Variants in HOOK3 observed in about 807,000 individuals in gnomAD.
The protein encoded by HOOK3 is hook microtubule tethering protein 3, also known as protein Hook homolog 3.
HOOK3 carries 24 observed loss-of-function variants against 116.3 expected under a neutral mutation model. That is an observed-to-expected ratio of 0.21 (90% CI 0.15 to 0.29). HOOK3 has a LOEUF of 0.29. HOOK3 is among the 10% of genes least tolerant of loss of function. The pLI is 1.00. For synonymous variants in HOOK3, 275 were observed against 283.0 expected (o/e 0.97, Z 0.28); for missense variants, 632 against 830.2 (o/e 0.76, Z 2.93).
At chr8:42,909,728 G>C (rs1221184316) in intron 2 of HOOK3, among the ~76,000 whole-genome samples, 4 of 152,190 alleles carry the variant, frequency 2.6e-5, no homozygotes, top group African/African-American at 9.7e-5. Context: ...GCCTGACAAA[G>C]TGCTGAGATT....
chr8:42,950,485 T>G (rs1309236034), intron 6 of HOOK3, 30 bp downstream of exon 6: 2 of 1,501,550 alleles, frequency 1.3e-6, no homozygotes, highest in Middle Eastern at 3.4e-4. Flanking sequence ...TTATAGTTTA[T>G]GAAAAATTAA....
intron 6 of HOOK3, among the ~76,000 whole-genome samples, chr8:42,953,660 G>A (rs1808383133): frequency 1.3e-5 from 2 of 151,714 alleles, no homozygotes; most frequent in South Asian, 4.2e-4. Context: ...CTGTGAGTAA[G>A]CAATTTCCAT....
intron 11 of HOOK3, 45 bp downstream of exon 11, chr8:42,968,259 C>A: frequency 7.4e-7 from 1 of 1,350,754 alleles, no homozygotes; most frequent in Non-Finnish European, 1.0e-6. Flanking sequence ...GGCAAGCTCT[C>A]AGTTATGACA....
intron 1 of HOOK3, among the ~76,000 whole-genome samples, chr8:42,903,509 T>C (rs62515912): frequency 0.047 from 7,117 of 150,806 alleles, 227 homozygotes; most frequent in South Asian, 0.085. Flanking sequence ...AGCGCCCGAC[T>C]AATTTTTTGT....
At chr8:42,919,012 C>T (rs1489413695) in intron 2 of HOOK3, among the ~76,000 whole-genome samples, 2 of 151,744 alleles carry the variant, frequency 1.3e-5, no homozygotes. Context: ...AGGCGCCCCC[C>T]ACCTCCTGGA....
Position 43,018,586 on chromosome 8 carries a change from A to G in HOOK3, c.*88A>G. The G allele has an allele frequency of 7.5e-7, 1 of 1,338,418 alleles. No individual in the cohort carries two copies. Among genetic ancestry groups the G allele is most frequent in the Non-Finnish European group, 9.9e-7 (1 of 1,012,874 alleles). 82.9% of individuals were successfully genotyped at this position (1,338,418 alleles called of 1,614,324 possible). On this transcript the variant is annotated 3_prime_UTR_variant, in exon 22 of 22. Coordinates refer to ENST00000307602, the MANE Select transcript of HOOK3 (RefSeq NM_032410.4). ...ACATTTCAGGAAACTCAGCCAGCTT[A>G]TTTTTTGTTTCTCTTCTATGTCAAT...
At chr8:42,903,902 G>T (rs991114550) in intron 1 of HOOK3, among the ~76,000 whole-genome samples, 4 of 151,890 alleles carry the variant, frequency 2.6e-5, no homozygotes, top group Non-Finnish European at 4.4e-5. Flanking sequence ...CTTGCAGTGA[G>T]CCGATATCGC....
At chr8:42,963,665 A>T (rs1808577635) in intron 8 of HOOK3, among the ~76,000 whole-genome samples, 1 of 152,182 alleles carries the variant, frequency 6.6e-6, no homozygotes, top group Non-Finnish European at 1.5e-5. Flanking sequence ...TGGTACAGTC[A>T]GTCTTTTTAA....
At chr8:42,928,056 G>A (rs934737744) in intron 3 of HOOK3, among the ~76,000 whole-genome samples, 1 of 152,196 alleles carries the variant, frequency 6.6e-6, no homozygotes, top group South Asian at 2.1e-4. Context: ...GGTGAGGTGG[G>A]TGGATCATAG....
rs1168429206 is a variant in HOOK3, at chr8:43,023,915, TAAG to T, written c.*5420_*5422del. 1.5e-5 allele frequency: 3 copies of T among 201,058 alleles called. No individual in the cohort carries two copies. The East Asian group carries it at 2.3e-4, about 16-fold the overall frequency. The allele number at this position is 201,058 out of a possible 1,614,324, so 12.5% of individuals were successfully genotyped here. On this transcript the variant is annotated 3_prime_UTR_variant, in exon 22 of 22. Transcript: ENST00000307602. Reference sequence around the variant, plus strand: ...AAACTTGGAAGTCTTTATCCCAATATAAGAATTATCTTGAAACAAAAATCTAAA... The same window carrying T: ...AAACTTGGAAGTCTTTATCCCAATATAATTATCTTGAAACAAAAATCTAAA...
chr8:42,929,960 T>C (rs1807843079), intron 3 of HOOK3, among the ~76,000 whole-genome samples, 162 bp from the exon 4 acceptor site: 1 of 152,180 alleles, frequency 6.6e-6, no homozygotes, highest in Non-Finnish European at 1.5e-5. Context: ...ATAGTAGTAC[T>C]TTTTGATGAT....
At chr8:42,919,217 C>CT (rs1417854474) in intron 2 of HOOK3, among the ~76,000 whole-genome samples, 2 of 151,242 alleles carry the variant, frequency 1.3e-5, no homozygotes, top group African/African-American at 4.9e-5. Context: ...GGGCTCCTCA[C>CT]TTCACAGACG....
chr8:42,995,713 A>G (rs1339099918), intron 15 of HOOK3, among the ~76,000 whole-genome samples: 1 of 152,170 alleles, frequency 6.6e-6, no homozygotes, highest in East Asian at 1.9e-4. Context: ...ATTTTCAACA[A>G]ATGTAAAATC....
rs1319435452 is a variant in HOOK3 at position 43,021,230 on chromosome 8, C to CA, written c.*2733dup. 5 of 207,692 alleles carry CA rather than the reference C, an allele frequency of 2.4e-5. No homozygotes were observed. The East Asian group carries it at 3.6e-4, about 15-fold the overall frequency. 12.9% of individuals were successfully genotyped at this position (207,692 alleles called of 1,614,324 possible). The stretch of plus-strand genomic sequence containing the variant: ...ACAGCCCCAGTCCTAATCTCCTACC[C>CA]ATCCACCTACCCAGATATTTTTTCT... On this transcript the variant is annotated 3_prime_UTR_variant, in exon 22 of 22. Coordinates refer to ENST00000307602, the MANE Select transcript of HOOK3 (RefSeq NM_032410.4).
At chr8:42,918,825 C>T (rs1304629394) in intron 2 of HOOK3, among the ~76,000 whole-genome samples, 1 of 152,250 alleles carries the variant, frequency 6.6e-6, no homozygotes, top group Non-Finnish European at 1.5e-5. Context: ...ATGTCTACTT[C>T]TACACAGACA....
At chr8:42,956,980 C>CA in intron 6 of HOOK3, 114 bp from the exon 7 acceptor site, 1 of 536,374 alleles carries the variant, frequency 1.9e-6, no homozygotes, top group Non-Finnish European at 3.2e-6. Flanking sequence ...TGCATGTTTT[C>CA]ATTTTAATTT....
At chr8:43,006,319 CTATT>C (rs1243201184) in intron 17 of HOOK3, among the ~76,000 whole-genome samples, 1 of 142,526 alleles carries the variant, frequency 7.0e-6, no homozygotes, top group Non-Finnish European at 1.5e-5. Flanking sequence ...TGCGCCCAGC[CTATT>C]TATTTTTTTG....
chr8:42,992,426 A>C (rs2130460467), intron 15 of HOOK3, among the ~76,000 whole-genome samples: 1 of 137,396 alleles, frequency 7.3e-6, no homozygotes, highest in East Asian at 2.1e-4. Flanking sequence ...AAAAAAAGTT[A>C]CTGATTTTTG....
chr8:42,937,343 G>T (rs1807991271), intron 4 of HOOK3, among the ~76,000 whole-genome samples: 1 of 144,752 alleles, frequency 6.9e-6, no homozygotes, highest in African/African-American at 2.7e-5. Context: ...CCAGCTCCTG[G>T]ATTCATTGAT....
Sources: allele counts gnomAD v4.1 joint callset (sites outside exome capture counted in the v4.1 genomes callset), GRCh38; gene constraint gnomAD v4.1.1; transcripts MANE v1.5; gene names NCBI Gene and HGNC (gene_info 2026-07-23, HGNC 2026-07-21).